STK24: variants seen among roughly 807,000 people sequenced by gnomAD.
The protein encoded by STK24 is serine/threonine-protein kinase 24.
A neutral mutation model predicts 55.6 loss-of-function variants in STK24; 21 were observed. That is an observed-to-expected ratio of 0.38 (90% CI 0.27 to 0.54). The LOEUF (loss-of-function observed/expected upper bound fraction) is 0.54, where lower values mean the gene tolerates loss of function less well. Among genes scored for constraint, STK24 ranks in the 20% least tolerant of loss-of-function variants. The pLI is 0.79. For synonymous variants in STK24, 200 were observed against 215.2 expected (o/e 0.93, Z 0.62); for missense variants, 383 against 538.4 (o/e 0.71, Z 2.86).
At chr13:98,551,658 T>G (rs564893269) in intron 1 of STK24, among the ~76,000 whole-genome samples, 46 of 152,230 alleles carry the variant, frequency 3.0e-4, no homozygotes, top group African/African-American at 1.1e-3. Context: ...ACTGCTCAAA[T>G]GCTGACTCCT....
chr13:98,469,322 G>A (rs922590307), intron 5 of STK24, among the ~76,000 whole-genome samples: 8 of 152,180 alleles, frequency 5.3e-5, no homozygotes, highest in South Asian at 2.1e-4. Context: ...GCCGACGCAG[G>A]CAGATCACTT....
intron 8 of STK24, among the ~76,000 whole-genome samples, chr13:98,461,033 G>A (rs1200797191): frequency 7.0e-6 from 1 of 142,576 alleles, no homozygotes; most frequent in African/African-American, 2.6e-5. Context: ...GGGCAACAGA[G>A]ACCCCGTCTC....
chr13:98,457,463 T>C lies in STK24; in HGVS notation c.1123-159A>G, dbSNP rs1043835925. ...GCTAGGGCTCCAGGCCACTTCAAAT[T>C]GCTTTTTTTTTTTTTTTTTTTTGTG... On this transcript the variant is annotated intron_variant, in intron 9 of 10. Coordinates refer to ENST00000539966, the MANE Select transcript of STK24 (RefSeq NM_001032296.4). Among the ~76,000 whole-genome samples, 3 of 136,412 alleles carry C rather than the reference T, an allele frequency of 2.2e-5. No individual in the cohort carries two copies. The South Asian group carries it at 6.8e-4, about 31-fold the overall frequency. The allele number at this position is 136,412 out of a possible 152,430, so 89.5% of individuals were successfully genotyped here.
chr13:98,483,769 AC>A (rs1209598398), intron 2 of STK24, among the ~76,000 whole-genome samples: 3 of 152,170 alleles, frequency 2.0e-5, no homozygotes, highest in Admixed American at 2.0e-4. Context: ...TTAACTGTGG[AC>A]CCTGTGACCA....
intron 2 of STK24, among the ~76,000 whole-genome samples, chr13:98,500,542 G>C (rs1032882319): frequency 6.6e-6 from 1 of 152,158 alleles, no homozygotes; most frequent in Non-Finnish European, 1.5e-5. Context: ...CCAAACTCAT[G>C]AGACCAGGTG....
At chr13:98,502,600 G>A (rs764955244) in intron 2 of STK24, among the ~76,000 whole-genome samples, 8 of 152,248 alleles carry the variant, frequency 5.3e-5, no homozygotes, top group East Asian at 1.9e-4. Context: ...GTTTGTTATC[G>A]TGAGAGTGGG....
At chr13:98,547,781 C>G (rs1897063052) in intron 1 of STK24, among the ~76,000 whole-genome samples, 1 of 152,336 alleles carries the variant, frequency 6.6e-6, no homozygotes, top group Middle Eastern at 3.4e-3. Flanking sequence ...ATTACCAACT[C>G]TTTGTGACCA....
At chr13:98,572,965 T>A (rs1897781000) in intron 1 of STK24, among the ~76,000 whole-genome samples, 1 of 152,216 alleles carries the variant, frequency 6.6e-6, no homozygotes. Flanking sequence ...AAGCACAGGC[T>A]GAGCATCCCT....
chr13:98,550,054 T>G (rs1897121870), intron 1 of STK24, among the ~76,000 whole-genome samples: 1 of 152,226 alleles, frequency 6.6e-6, no homozygotes, highest in South Asian at 2.1e-4. Flanking sequence ...AGCATACTAC[T>G]AGCTCATTAA....
intron 2 of STK24, among the ~76,000 whole-genome samples, chr13:98,507,364 T>G (rs1311869373): frequency 6.6e-6 from 1 of 152,072 alleles, no homozygotes; most frequent in African/African-American, 2.4e-5. Flanking sequence ...CTGAGCAAAT[T>G]AGCAAGACAG....
At chr13:98,508,110 C>T (rs778888722) in intron 2 of STK24, among the ~76,000 whole-genome samples, 23 of 152,138 alleles carry the variant, frequency 1.5e-4, no homozygotes, top group Non-Finnish European at 2.8e-4. Flanking sequence ...TGCTCCCCAC[C>T]GCTTCTTGCT....
At chr13:98,500,704 T>TC (rs1250802535) in intron 2 of STK24, among the ~76,000 whole-genome samples, 2 of 144,022 alleles carry the variant, frequency 1.4e-5, no homozygotes, top group Non-Finnish European at 3.0e-5. Flanking sequence ...CCTCGCCCCT[T>TC]CCTTCCCCTC....
At chr13:98,454,538 A>G (rs879627791) in intron 10 of STK24, 5 of 152,348 alleles carry the variant, frequency 3.3e-5, no homozygotes, top group Admixed American at 6.5e-5. Context: ...AGACTCAACT[A>G]TCAAGAAATA....
At chr13:98,535,365 AAAAAAATATAT>A (rs1475431547) in intron 1 of STK24, among the ~76,000 whole-genome samples, 1 of 102,348 alleles carries the variant, frequency 9.8e-6, no homozygotes. Context: ...AACAAACAAA[AAAAAAATATAT>A]ATATATATAT....
At chr13:98,536,954 C>T (rs1896754009) in intron 1 of STK24, among the ~76,000 whole-genome samples, 1 of 151,324 alleles carries the variant, frequency 6.6e-6, no homozygotes, top group Non-Finnish European at 1.5e-5. Flanking sequence ...CCCTTGTGTG[C>T]CCCCGACACT....
intron 1 of STK24, among the ~76,000 whole-genome samples, chr13:98,569,528 T>C (rs931063952): frequency 1.6e-4 from 24 of 151,436 alleles, no homozygotes; most frequent in African/African-American, 4.6e-4. Flanking sequence ...ACAAGAAGCA[T>C]AGAAGATACG....
At chr13:98,496,910 C>A (rs115087324) in intron 2 of STK24, among the ~76,000 whole-genome samples, 1,963 of 152,324 alleles carry the variant, frequency 0.013, 13 homozygotes, top group Middle Eastern at 0.054. Flanking sequence ...GCAGAGAAGT[C>A]ACAAAACAGA....
rs1376430084 is a variant in STK24 at position 98,448,942 on chromosome 13, A to C, written c.*4231T>G. On this transcript the variant is annotated 3_prime_UTR_variant, in exon 11 of 11. Coordinates refer to ENST00000539966, the MANE Select transcript of STK24 (RefSeq NM_001032296.4). ...ACCTGAAAACACCTGTTCCCAACCT[A>C]CTTCTTGGTGCAAGTTGACCAAATC... is the stretch of plus-strand genomic sequence containing the variant. 1 of 152,114 alleles carries C rather than the reference A, an allele frequency of 6.6e-6. No individual in the cohort carries two copies. The highest frequency in any genetic ancestry group is 2.4e-5 in the African/African-American group (1 of 41,396). The allele number at this position is 152,114 out of a possible 1,614,324, so 9.4% of individuals were successfully genotyped here.
intron 6 of STK24, 86 bp from the exon 7 acceptor site, chr13:98,463,922 C>T: frequency 6.8e-7 from 1 of 1,463,358 alleles, no homozygotes; most frequent in Non-Finnish European, 9.4e-7. Flanking sequence ...AAAATGTCAA[C>T]CGCCACACTG....
Sources: allele counts gnomAD v4.1 joint callset (sites outside exome capture counted in the v4.1 genomes callset), GRCh38; gene constraint gnomAD v4.1.1; transcripts MANE v1.5; gene names NCBI Gene and HGNC (gene_info 2026-07-23, HGNC 2026-07-21).